Variants in ROBO2 observed in about 807,000 individuals in gnomAD.
The protein encoded by ROBO2 is roundabout homolog 2.
A neutral mutation model predicts 160.8 loss-of-function variants in ROBO2; 53 were observed. The ratio of observed to expected loss-of-function variants is 0.33; its 90% CI spans 0.26 to 0.41. The LOEUF (loss-of-function observed/expected upper bound fraction) is 0.41. Ranked by LOEUF, ROBO2 falls within the 10% of genes least tolerant of loss-of-function variation. ROBO2 has a pLI of 1.00. For synonymous variants in ROBO2, 664 were observed against 611.7 expected, an observed-to-expected ratio of 1.09 and a Z score of -1.26; for missense variants, 1,577 against 1,722.4, an observed-to-expected ratio of 0.92 and a Z score of 1.49.
At position 77,213,838 on chromosome 3, in the gene ROBO2, C is replaced by T. The variant is rs546101054; in HGVS notation, c.388+115498C>T. On this transcript the variant is annotated intron_variant, in intron 2 of 25. Transcript: ENST00000461745. Reference sequence around the variant, plus strand: ...TTTCTGCCTTCATTTCATTATGTACCCAGTAGTCATTCAGGAGCAGGTTGT... The same window carrying T: ...TTTCTGCCTTCATTTCATTATGTACTCAGTAGTCATTCAGGAGCAGGTTGT... Among the ~76,000 whole-genome samples the T allele has an allele frequency of 5.3e-5, 8 of 152,120 alleles. No homozygotes were observed. The South Asian group carries it at 1.7e-3, about 32-fold the overall frequency.
At chr3:75,914,723 T>G (rs2106766854) in intron 1 of ROBO2, among the ~76,000 whole-genome samples, 1 of 152,298 alleles carries the variant, frequency 6.6e-6, no homozygotes, top group African/African-American at 2.4e-5. Flanking sequence ...TAACTCTTAA[T>G]GAGAATGAGT....
chr3:76,357,540 G>A (rs2075248707), intron 2 of ROBO2, among the ~76,000 whole-genome samples: 2 of 151,888 alleles, frequency 1.3e-5, no homozygotes, highest in Admixed American at 6.6e-5. Flanking sequence ...TTGTGGGTTG[G>A]GGTTGGCTAG....
At chr3:76,065,307 TATC>T (rs1303326915) in intron 2 of ROBO2, among the ~76,000 whole-genome samples, 3 of 152,140 alleles carry the variant, frequency 2.0e-5, no homozygotes, top group Admixed American at 1.3e-4. Context: ...TAGTGCTTAT[TATC>T]AGGATATTTT....
At chr3:77,208,488 A>G (rs1212582367) in intron 2 of ROBO2, among the ~76,000 whole-genome samples, 1 of 152,214 alleles carries the variant, frequency 6.6e-6, no homozygotes, top group East Asian at 1.9e-4. Context: ...ATAGCTGATA[A>G]CAAACAGTAC....
chr3:77,361,410 A>G (rs1053572574), intron 2 of ROBO2, among the ~76,000 whole-genome samples: 3 of 152,148 alleles, frequency 2.0e-5, no homozygotes, highest in African/African-American at 7.2e-5. Flanking sequence ...AGAAAGAAGT[A>G]TAGGAAAATT....
intron 2 of ROBO2, among the ~76,000 whole-genome samples, chr3:76,369,070 A>C (rs997978508): frequency 1.3e-5 from 2 of 151,898 alleles, no homozygotes; most frequent in Non-Finnish European, 2.9e-5. Context: ...CAAACTTCTC[A>C]CTAGAGTACT....
intron 16 of ROBO2, 63 bp from the exon 18 acceptor site, chr3:77,588,688 A>G: frequency 6.8e-7 from 1 of 1,466,036 alleles, no homozygotes; most frequent in East Asian, 2.4e-5. Flanking sequence ...TTGATGCACC[A>G]TGTTTATATT....
At chr3:76,154,364 G>A (rs532639065) in intron 2 of ROBO2, among the ~76,000 whole-genome samples, 1 of 152,066 alleles carries the variant, frequency 6.6e-6, no homozygotes, top group Non-Finnish European at 1.5e-5. Flanking sequence ...ATGAGTCAGT[G>A]AAAAATTCAG....
chr3:76,924,921 G>A (rs376740774), intron 2 of ROBO2, among the ~76,000 whole-genome samples: 15 of 152,166 alleles, frequency 9.9e-5, no homozygotes, highest in African/African-American at 3.6e-4. Flanking sequence ...TAAAAATCTG[G>A]TTTGCGGCCG....
At chr3:76,161,429 A>G (rs1362471639) in intron 2 of ROBO2, among the ~76,000 whole-genome samples, 1 of 152,156 alleles carries the variant, frequency 6.6e-6, no homozygotes, top group Non-Finnish European at 1.5e-5. Flanking sequence ...ATCATTGGTA[A>G]AAATAAAGTA....
chr3:76,972,861 A>G (rs947787143), intron 2 of ROBO2, among the ~76,000 whole-genome samples: 2 of 152,176 alleles, frequency 1.3e-5, no homozygotes, highest in Non-Finnish European at 2.9e-5. Flanking sequence ...AAATACATAC[A>G]CACATAAATA....
chr3:76,544,761 A>AAC (rs1242988245), intron 2 of ROBO2, among the ~76,000 whole-genome samples: 1 of 152,004 alleles, frequency 6.6e-6, no homozygotes, highest in Non-Finnish European at 1.5e-5. Context: ...CCTCAGTAGT[A>AAC]ACCTCACAAT....
intron 2 of ROBO2, among the ~76,000 whole-genome samples, chr3:77,266,142 A>AT (rs1346837743): frequency 6.6e-6 from 1 of 151,584 alleles, no homozygotes; most frequent in Non-Finnish European, 1.5e-5. Context: ...TAGGCACAGG[A>AT]TTTTTTTTAA....
intron 2 of ROBO2, among the ~76,000 whole-genome samples, chr3:77,161,532 G>C (rs1453356209): frequency 2.6e-5 from 4 of 152,112 alleles, no homozygotes; most frequent in African/African-American, 9.7e-5. Context: ...AAATACTTTT[G>C]CATAACCTGA....
At chr3:76,994,617 T>C (rs2060882582) in intron 2 of ROBO2, among the ~76,000 whole-genome samples, 1 of 152,208 alleles carries the variant, frequency 6.6e-6, no homozygotes, top group South Asian at 2.1e-4. Context: ...TAGCAAATCT[T>C]TACTGAAGGC....
At chr3:76,098,827 A>G (rs2069563923) in intron 2 of ROBO2, among the ~76,000 whole-genome samples, 2 of 152,108 alleles carry the variant, frequency 1.3e-5, no homozygotes, top group South Asian at 2.1e-4. Flanking sequence ...TCTCGAGTTC[A>G]TGTTCTGAAA....
At chr3:77,457,289 C>G (rs1184205293) in intron 2 of ROBO2, among the ~76,000 whole-genome samples, 1 of 152,000 alleles carries the variant, frequency 6.6e-6, no homozygotes, top group Non-Finnish European at 1.5e-5. Flanking sequence ...TGTCTTTTCC[C>G]CTCATTATTT....
Position 77,415,411 on chromosome 3 carries a change from C to G in ROBO2, c.389-62003C>G, listed in dbSNP as rs1055100294. ...ATGTAGTAGCTGTATGGAGCAGAGGCTGGCCATAATTGAAGGTTGAAAACC... is the reference window on the plus strand; with the variant it reads ...ATGTAGTAGCTGTATGGAGCAGAGGGTGGCCATAATTGAAGGTTGAAAACC... On this transcript the variant is annotated intron_variant, in intron 2 of 25. Coordinates refer to ENST00000461745, the Ensembl canonical transcript of ROBO2. 5.9e-5 allele frequency among the ~76,000 whole-genome samples: 9 copies of G among 152,278 alleles called. No homozygotes were observed. The South Asian group carries it at 6.2e-4, about 11-fold the overall frequency.
At chr3:76,061,015 C>T (rs2068053851) in intron 2 of ROBO2, among the ~76,000 whole-genome samples, 1 of 152,156 alleles carries the variant, frequency 6.6e-6, no homozygotes, top group African/African-American at 2.4e-5. Context: ...CAAAACTCCA[C>T]TCGATTTCAG....
Sources: allele counts gnomAD v4.1 joint callset (sites outside exome capture counted in the v4.1 genomes callset), GRCh38; gene constraint gnomAD v4.1.1; transcripts MANE v1.5; gene names NCBI Gene and HGNC (gene_info 2026-07-23, HGNC 2026-07-21).